The following ZNF407 variants were observed in gnomAD, a reference collection of about 807,000 sequenced individuals.
The protein encoded by ZNF407 is zinc finger protein 407.
Under a neutral mutation model 131.2 loss-of-function variants are expected in ZNF407, and 17 were observed. The observed-to-expected ratio is 0.13, with a 90% CI of 0.09 to 0.19. ZNF407 has a LOEUF of 0.19. Ranked by LOEUF, ZNF407 falls within the 10% of genes least tolerant of loss-of-function variation. The pLI, the probability that ZNF407 is intolerant of heterozygous loss-of-function variation, is 1.00. For synonymous variants in ZNF407, 1,156 were observed against 1,062.0 expected (o/e 1.09, Z -1.72); for missense variants, 2,681 against 2,830.6 (o/e 0.95, Z 1.20).
At chr18:75,051,041 A>G (rs115133749) in intron 8 of ZNF407, among the ~76,000 whole-genome samples, 3 of 152,144 alleles carry the variant, frequency 2.0e-5, no homozygotes, top group Admixed American at 6.5e-5. Flanking sequence ...CGTGGCAAAT[A>G]ATAGAGCCCT....
chr18:74,999,368 A>AC (rs1355778822), intron 8 of ZNF407, among the ~76,000 whole-genome samples: 5 of 150,216 alleles, frequency 3.3e-5, no homozygotes, highest in African/African-American at 9.8e-5. Context: ...AAAAAAAAAA[A>AC]AAAAAAACAA....
chr18:74,709,663 T>C (rs1967710766), intron 3 of ZNF407, among the ~76,000 whole-genome samples: 1 of 152,220 alleles, frequency 6.6e-6, no homozygotes, highest in African/African-American at 2.4e-5. Context: ...TTTGATACTG[T>C]GCCGCACTTG....
intron 3 of ZNF407, among the ~76,000 whole-genome samples, chr18:74,778,542 G>GTTGTA (rs1374987781): frequency 6.6e-6 from 1 of 152,012 alleles, no homozygotes; most frequent in Non-Finnish European, 1.5e-5. Context: ...TTTTTTGAGG[G>GTTGTA]CAGGGACTTT....
intron 8 of ZNF407, among the ~76,000 whole-genome samples, chr18:74,981,342 A>T (rs1270887687): frequency 6.6e-6 from 1 of 152,208 alleles, no homozygotes; most frequent in African/African-American, 2.4e-5. Context: ...GGAAAGCCGC[A>T]GCTCCAGGCC....
chr18:74,677,846 G>A (rs1369394130), intron 3 of ZNF407, among the ~76,000 whole-genome samples: 1 of 152,002 alleles, frequency 6.6e-6, no homozygotes, highest in Admixed American at 6.5e-5. Context: ...ATTCGAGACG[G>A]AGTTTCTCTC....
intron 8 of ZNF407, among the ~76,000 whole-genome samples, chr18:74,965,242 T>C (rs1037679964): frequency 2.6e-5 from 4 of 152,080 alleles, no homozygotes; most frequent in Non-Finnish European, 5.9e-5. Context: ...AAATGGTAGG[T>C]CTTATTTATT....
chr18:74,600,269 G>A (rs1982522893), intron 1 of ZNF407, among the ~76,000 whole-genome samples: 2 of 152,190 alleles, frequency 1.3e-5, no homozygotes, highest in Admixed American at 1.3e-4. Flanking sequence ...CAGAAAATAG[G>A]CAGCAACCAA....
intron 6 of ZNF407, 117 bp downstream of exon 6, chr18:74,881,236 T>G: frequency 8.2e-6 from 7 of 854,474 alleles, no homozygotes; most frequent in Non-Finnish European, 7.1e-6. Context: ...ATCTGTGCAC[T>G]TGAAGGTCTA....
intron 8 of ZNF407, among the ~76,000 whole-genome samples, chr18:75,012,944 CT>C (rs748220788): frequency 0.023 from 1,342 of 58,108 alleles, 16 homozygotes; most frequent in African/African-American, 0.048. Flanking sequence ...AGAAAGGGTC[CT>C]TTTTTAAAAA....
intron 8 of ZNF407, among the ~76,000 whole-genome samples, chr18:75,038,318 C>G (rs954074662): frequency 1.3e-5 from 2 of 152,226 alleles, no homozygotes; most frequent in African/African-American, 4.8e-5. Context: ...GCAGAAACTT[C>G]CCCATAGTGT....
intron 4 of ZNF407, among the ~76,000 whole-genome samples, chr18:74,869,771 A>G (rs1971061952): frequency 6.6e-6 from 1 of 152,172 alleles, no homozygotes; most frequent in Admixed American, 6.5e-5. Flanking sequence ...TGATTTGTTT[A>G]TGATGCTTTT....
rs148224659 is a variant in ZNF407, at chr18:74,986,289, T to C, written c.5428+65597T>C. 4.9e-3 allele frequency among the ~76,000 whole-genome samples: 726 copies of C among 147,746 alleles called. 9 individuals carry two copies. Among genetic ancestry groups the C allele is most frequent in the African/African-American group, 0.017 (698 of 40,064 alleles). ...CTCGGTGGGAATAGTTAACATACTT[T>C]AGGATGCTAGATGCACTGCCAGAAA... On this transcript the variant is annotated intron_variant, in intron 8 of 8. Coordinates refer to ENST00000299687, the MANE Select transcript of ZNF407 (RefSeq NM_017757.3).
At chr18:75,046,612 G>C (rs1344783782) in intron 8 of ZNF407, among the ~76,000 whole-genome samples, 2 of 152,082 alleles carry the variant, frequency 1.3e-5, no homozygotes, top group Non-Finnish European at 1.5e-5. Flanking sequence ...CCGAACCGAG[G>C]GGTCCTGCCC....
intron 3 of ZNF407, among the ~76,000 whole-genome samples, chr18:74,650,608 A>G (rs1985182873): frequency 6.6e-6 from 1 of 152,172 alleles, no homozygotes; most frequent in Non-Finnish European, 1.5e-5. Flanking sequence ...GGGTGGGCTC[A>G]TGTATGAAAC....
chr18:74,738,346 G>GAATACAAAAACTTAGCTGGGTGT (rs1568190837), intron 3 of ZNF407, among the ~76,000 whole-genome samples: 4 of 142,850 alleles, frequency 2.8e-5, no homozygotes, highest in African/African-American at 1.0e-4. Flanking sequence ...CTTGAACCCG[G>GAATACAAAAACTTAGCTGGGTGT]GAGGCGGAGG....
At chr18:74,659,045 A>C (rs1213201212) in intron 3 of ZNF407, among the ~76,000 whole-genome samples, 2 of 152,128 alleles carry the variant, frequency 1.3e-5, no homozygotes, top group Non-Finnish European at 2.9e-5. Context: ...ATTCTCCCCC[A>C]GATTTACATT....
At chr18:74,725,958 G>A (rs960228538) in intron 3 of ZNF407, among the ~76,000 whole-genome samples, 1 of 152,162 alleles carries the variant, frequency 6.6e-6, no homozygotes, top group African/African-American at 2.4e-5. Flanking sequence ...ACTGTGTAAT[G>A]TTTTTGATAT....
chr18:74,974,583 C>T (rs1481328779), intron 8 of ZNF407, among the ~76,000 whole-genome samples: 1 of 152,056 alleles, frequency 6.6e-6, no homozygotes, highest in Non-Finnish European at 1.5e-5. Context: ...ATATTTATGC[C>T]TTTCAGTAGC....
At chr18:74,692,625 T>G (rs1336187679) in intron 3 of ZNF407, among the ~76,000 whole-genome samples, 2 of 152,172 alleles carry the variant, frequency 1.3e-5, no homozygotes, top group Non-Finnish European at 2.9e-5. Flanking sequence ...AGGAGTTTCC[T>G]GCTTCTCCCC....
Sources: gnomAD v4.1 joint callset for allele counts (sites outside exome capture counted in the v4.1 genomes callset) on GRCh38, gnomAD v4.1.1 for gene constraint, MANE v1.5 for transcripts, NCBI Gene and HGNC (gene_info 2026-07-23, HGNC 2026-07-21) for gene names.